The following ZNF214 variants were observed in gnomAD, a reference collection of about 807,000 sequenced individuals.
The protein encoded by ZNF214 is zinc finger protein 214.
Under a neutral mutation model 53.9 loss-of-function variants are expected in ZNF214, and 43 were observed. The ratio of observed to expected loss-of-function variants is 0.80; its 90% CI spans 0.63 to 1.03. ZNF214 has a LOEUF of 1.03. Ranked by LOEUF, ZNF214 falls within the 50% of genes least tolerant of loss-of-function variation. The pLI is 0.00. For missense variants in ZNF214, 724 were observed against 719.1 expected (o/e 1.01, Z -0.08); for synonymous variants, 217 against 229.5 (o/e 0.95, Z 0.49).
intron 1 of ZNF214, 140 bp downstream of exon 1, chr11:7,019,933 C>CG (rs1211307866): frequency 6.6e-6 from 1 of 152,094 alleles, no homozygotes; most frequent in African/African-American, 2.4e-5. Context: ...GCCACAGACC[C>CG]GGGGGTCCCC....
chr11:7,002,651 A>G, intron 2 of ZNF214, 58 bp downstream of exon 2: 1 of 1,475,614 alleles, frequency 6.8e-7, no homozygotes, highest in Non-Finnish European at 9.0e-7. Flanking sequence ...AAAACAAAAT[A>G]CTCAACAAAA....
intron 1 of ZNF214, among the ~76,000 whole-genome samples, chr11:7,006,732 T>G (rs1851479937): frequency 6.6e-6 from 1 of 152,048 alleles, no homozygotes; most frequent in South Asian, 2.1e-4. Flanking sequence ...TATTCTTCCT[T>G]TCCTGTCTCT....
intron 1 of ZNF214, among the ~76,000 whole-genome samples, chr11:7,015,103 T>C (rs929988914): frequency 6.6e-6 from 1 of 150,674 alleles, no homozygotes; most frequent in Non-Finnish European, 1.5e-5. Flanking sequence ...TTTTTTTTTT[T>C]TTTTTTGAGA....
chr11:7,005,047 C>T (rs1397572766), intron 1 of ZNF214, among the ~76,000 whole-genome samples: 1 of 151,978 alleles, frequency 6.6e-6, no homozygotes, highest in Admixed American at 6.6e-5. Flanking sequence ...AAGATCATTT[C>T]CAGTTTCTTG....
intron 1 of ZNF214, among the ~76,000 whole-genome samples, chr11:7,011,984 T>C (rs1270008018): frequency 1.3e-5 from 2 of 152,162 alleles, no homozygotes; most frequent in Non-Finnish European, 2.9e-5. Flanking sequence ...TCCACGCTCT[T>C]GGATGCAGTA....
At chr11:7,013,672 A>C (rs1851670386) in intron 1 of ZNF214, among the ~76,000 whole-genome samples, 1 of 151,748 alleles carries the variant, frequency 6.6e-6, no homozygotes, top group East Asian at 1.9e-4. Flanking sequence ...TTTCTCTCTC[A>C]CTGTCTTTTT....
At chr11:7,013,670 TCA>T (rs1851670282) in intron 1 of ZNF214, among the ~76,000 whole-genome samples, 1 of 152,144 alleles carries the variant, frequency 6.6e-6, no homozygotes, top group Admixed American at 6.5e-5. Flanking sequence ...CTTTTCTCTC[TCA>T]CTGTCTTTTT....
chr11:6,997,964 A>G lies in ZNF214; in HGVS notation c.*1898T>C, dbSNP rs759458712. 1.3e-5 allele frequency among the ~76,000 whole-genome samples: 2 copies of G among 151,952 alleles called. No individual in the cohort carries two copies. Among genetic ancestry groups the G allele is most frequent in the Admixed American group, 6.6e-5 (1 of 15,214 alleles). ...TTTTGGAAACTATCCAGACAACTGC[A>G]TATCTAATTGATTTCAGTGCTTATC... On this transcript the variant is annotated 3_prime_UTR_variant, in exon 3 of 3. Coordinates refer to ENST00000278314, the MANE Select transcript of ZNF214 (RefSeq NM_013249.4).
In ZNF214 at chr11:7,002,767, A is replaced by C; in HGVS notation, c.69T>G (p.Ser23=). 1.2e-6 allele frequency: 2 copies of C among 1,609,874 alleles called. No individual in the cohort carries two copies. The highest frequency in any genetic ancestry group is 2.2e-5 in the South Asian group (2 of 90,514). ...TWEEWKFLDS[S]QKRLYREVMW... Reference sequence around the variant, plus strand: ...TGACCTCCCTGTAGAGTCTTTTTTGAGAAGAATCCAGGAATTTCCACTCCT... The same window carrying C: ...TGACCTCCCTGTAGAGTCTTTTTTGCGAAGAATCCAGGAATTTCCACTCCT... The change falls in exon 2 of 3, where the codon TCT becomes TCG. Residue 23 remains serine, a synonymous_variant. Transcript: ENST00000278314.
chr11:7,003,608 C>G (rs1009475064), intron 1 of ZNF214, among the ~76,000 whole-genome samples: 3 of 151,884 alleles, frequency 2.0e-5, no homozygotes, highest in Non-Finnish European at 4.4e-5. Flanking sequence ...GGTTTTTAAA[C>G]CCAGCACTAC....
intron 1 of ZNF214, among the ~76,000 whole-genome samples, chr11:7,018,198 T>G (rs1851820658): frequency 6.6e-6 from 1 of 152,184 alleles, no homozygotes; most frequent in African/African-American, 2.4e-5. Context: ...ATGGTTCATG[T>G]GAAGAGATGC....
chr11:7,017,703 C>T (rs956487898), intron 1 of ZNF214, among the ~76,000 whole-genome samples: 7 of 150,490 alleles, frequency 4.7e-5, no homozygotes, highest in African/African-American at 1.7e-4. Context: ...TATGCCACTG[C>T]ACTCCAGTCT....
intron 1 of ZNF214, among the ~76,000 whole-genome samples, chr11:7,016,883 A>G (rs1589848468): frequency 6.6e-6 from 1 of 152,206 alleles, no homozygotes; most frequent in Non-Finnish European, 1.5e-5. Context: ...TTGGAAGTGA[A>G]GAAGAGATTT....
intron 1 of ZNF214, among the ~76,000 whole-genome samples, chr11:7,010,823 A>C (rs1426900899): frequency 6.6e-6 from 1 of 151,540 alleles, no homozygotes; most frequent in African/African-American, 2.4e-5. Context: ...AAAATAAGGA[A>C]ATAACTTTTG....
In ZNF214 at chr11:7,000,217, T is replaced by G. The variant is rs1450573989; in HGVS notation, c.1466A>C (p.Gln489Pro). 3.7e-6 allele frequency: 6 copies of G among 1,613,358 alleles called. No homozygotes were observed. Among genetic ancestry groups the G allele is most frequent in the Non-Finnish European group, 5.1e-6 (6 of 1,179,606 alleles). Residue 489 changes from glutamine to proline, a missense_variant, in exon 3 of 3, where the codon CAA becomes CCA. Gln to Pro is a moderately conservative substitution (Grantham distance 76). Transcript: ENST00000278314. ...GGGTTTCTCTCCAGTATGTACTCTT[T>G]GATGAGTGTGAAGCTTTGAACTCTT... ...FSKSSKLHTH[Q>P]RVHTGEKPYK...
chr11:7,013,612 C>T (rs376519170), intron 1 of ZNF214, among the ~76,000 whole-genome samples: 1 of 152,218 alleles, frequency 6.6e-6, no homozygotes, highest in Admixed American at 6.5e-5. Flanking sequence ...AGCTTGGGGC[C>T]TTCGCAGCCT....
Position 7,000,154 on chromosome 11 carries a change from C to G in ZNF214, c.1529G>C (p.Arg510Pro). 6.2e-7 allele frequency: 1 copy of G among 1,613,284 alleles called. No individual in the cohort carries two copies. ...CEECGKGFSQ[R>P]SHLLIHQRVH... Reference sequence around the variant, plus strand: ...TCTCTGATGAATGAGAAGATGTGAACGCTGACTGAATCCCTTGCCACACTC... The same window carrying G: ...TCTCTGATGAATGAGAAGATGTGAAGGCTGACTGAATCCCTTGCCACACTC... Residue 510 changes from arginine to proline, a missense_variant, in exon 3 of 3, where the codon CGT becomes CCT. Arg to Pro is a moderately radical substitution (Grantham distance 103). Transcript: ENST00000278314.
intron 2 of ZNF214, 32 bp downstream of exon 2, chr11:7,002,677 A>G: frequency 6.5e-7 from 1 of 1,540,936 alleles, no homozygotes; most frequent in Non-Finnish European, 8.7e-7. Flanking sequence ...CCTAGAAGAA[A>G]CTCTATTCCC....
At chr11:7,014,301 C>G (rs563461592) in intron 1 of ZNF214, among the ~76,000 whole-genome samples, 2 of 152,278 alleles carry the variant, frequency 1.3e-5, no homozygotes, top group South Asian at 2.1e-4. Flanking sequence ...TGTACAAGAA[C>G]AGTTAGAGCA....
Sources: allele counts gnomAD v4.1 joint callset (sites outside exome capture counted in the v4.1 genomes callset), GRCh38; gene constraint gnomAD v4.1.1; transcripts MANE v1.5; gene names NCBI Gene and HGNC (gene_info 2026-07-23, HGNC 2026-07-21).